Variants in MALT1 observed in about 807,000 individuals in gnomAD.
MALT1 encodes the protein mucosa-associated lymphoid tissue lymphoma translocation protein 1.
In MALT1, 36 loss-of-function variants were observed where a neutral mutation model predicts 85.5. The observed-to-expected ratio is 0.42, with a 90% CI of 0.32 to 0.56. MALT1 has a LOEUF of 0.56. Among genes scored for constraint, MALT1 ranks in the 20% least tolerant of loss-of-function variants. The pLI, the probability that MALT1 is intolerant of heterozygous loss-of-function variation, is 0.10. For missense variants in MALT1, 716 were observed against 981.6 expected (o/e 0.73, Z 3.62); for synonymous variants, 359 against 361.3 (o/e 0.99, Z 0.07).
intron 6 of MALT1, 75 bp from the exon 7 acceptor site, chr18:58,710,846 C>G (rs1246352202): frequency 1.1e-6 from 1 of 906,696 alleles, no homozygotes; most frequent in East Asian, 2.7e-5. Flanking sequence ...TGATATTGAT[C>G]TCTATTTGCT....
chr18:58,715,251 T>C (rs2054882851), intron 8 of MALT1, among the ~76,000 whole-genome samples: 1 of 152,244 alleles, frequency 6.6e-6, no homozygotes, highest in South Asian at 2.1e-4. Flanking sequence ...AGAAAAACTT[T>C]TGTAAATAGC....
rs2055462853 is a variant in MALT1 at position 58,752,689 on chromosome 18, A to G, written c.*4847A>G. The G allele has an allele frequency of 6.6e-6, 1 of 151,846 alleles. No individual in the cohort carries two copies. Among genetic ancestry groups the G allele is most frequent in the South Asian group, 2.1e-4 (1 of 4,814 alleles). The allele number at this position is 151,846 out of a possible 1,614,324, so 9.4% of individuals were successfully genotyped here. ...GTTGCACACACCTGTAGTCCCAGCT[A>G]CTCAGGAGGCTGAAGTGGGACGATC... On this transcript the variant is annotated 3_prime_UTR_variant, in exon 17 of 17. Coordinates refer to ENST00000649217, the MANE Select transcript of MALT1 (RefSeq NM_006785.4).
intron 1 of MALT1, chr18:58,672,675 A>T (rs2054182328): frequency 1.3e-5 from 2 of 152,256 alleles, no homozygotes; most frequent in Admixed American, 1.3e-4. Flanking sequence ...CAGAAATAAT[A>T]CTTTCGTGGA....
chr18:58,712,117 C>G (rs2054839310), intron 7 of MALT1, among the ~76,000 whole-genome samples: 1 of 152,130 alleles, frequency 6.6e-6, no homozygotes, highest in Non-Finnish European at 1.5e-5. Flanking sequence ...TTTGCAGTAG[C>G]AAGCACACTA....
At chr18:58,702,405 T>A (rs1420419625) in intron 4 of MALT1, among the ~76,000 whole-genome samples, 1 of 151,862 alleles carries the variant, frequency 6.6e-6, no homozygotes, top group Non-Finnish European at 1.5e-5. Context: ...AAAAGAAACA[T>A]TGTGAAACTA....
At chr18:58,722,933 T>C (rs1208354942) in intron 9 of MALT1, 115 bp from the exon 10 acceptor site, 2 of 671,646 alleles carry the variant, frequency 3.0e-6, no homozygotes, top group Admixed American at 2.9e-5. Context: ...TGAAATCTTA[T>C]TTGAAATGAA....
chr18:58,751,536 T>C lies in MALT1; in HGVS notation c.*3694T>C, dbSNP rs2055446579. On this transcript the variant is annotated 3_prime_UTR_variant, in exon 17 of 17. Coordinates refer to ENST00000649217, the MANE Select transcript of MALT1 (RefSeq NM_006785.4). ...TTTTAAAAAATCTAAACATGTAATT[T>C]TAAAACGGGCTTAAGAAGAATGATA... 6.6e-6 allele frequency: 1 copy of C among 152,192 alleles called. No homozygotes were observed. The allele number at this position is 152,192 out of a possible 1,614,324, so 9.4% of individuals were successfully genotyped here. A position where few individuals can be genotyped will look rare whatever the true frequency, so the allele number is the denominator to read the frequency against.
chr18:58,674,943 A>T (rs984360202), intron 1 of MALT1, among the ~76,000 whole-genome samples: 3 of 152,230 alleles, frequency 2.0e-5, no homozygotes, highest in Non-Finnish European at 4.4e-5. Context: ...AAACCACAAG[A>T]AAAGAGCCCG....
Position 58,741,853 on chromosome 18 carries a change from CA to C in MALT1, c.1604-11del, listed in dbSNP as rs2055305531. The C allele has an allele frequency of 6.9e-7, 1 of 1,448,036 alleles. No individual in the cohort carries two copies. The highest frequency in any genetic ancestry group is 1.5e-5 in the South Asian group (1 of 65,210). 89.7% of individuals were successfully genotyped at this position (1,448,036 alleles called of 1,614,324 possible). A position where few individuals can be genotyped will look rare whatever the true frequency, so the allele number is the denominator to read the frequency against. ...TGGTCTTAAAAATAATATTTATTTT[CA>C]TATCTTTTAGATATGGGTAAGTGTC... is the stretch of plus-strand genomic sequence containing the variant. On this transcript the variant is annotated splice_polypyrimidine_tract_variant and intron_variant, in intron 13 of 16. Transcript: ENST00000649217.
chr18:58,697,619 G>A (rs1333979636), intron 3 of MALT1, among the ~76,000 whole-genome samples: 2 of 152,138 alleles, frequency 1.3e-5, no homozygotes, highest in Non-Finnish European at 1.5e-5. Context: ...GCCCTTTGAG[G>A]AGAAATAGTG....
chr18:58,674,321 T>A (rs1179005765), intron 1 of MALT1, among the ~76,000 whole-genome samples: 8 of 152,218 alleles, frequency 5.3e-5, no homozygotes, highest in Admixed American at 5.2e-4. Flanking sequence ...AGGCCACTTT[T>A]CTGTGGAGTC....
intron 9 of MALT1, among the ~76,000 whole-genome samples, chr18:58,720,242 T>C (rs1326631675): frequency 2.0e-5 from 3 of 152,240 alleles, no homozygotes; most frequent in African/African-American, 7.2e-5. Flanking sequence ...CCATTATAAA[T>C]TGCTTTATAT....
chr18:58,738,386 C>T (rs1016798828), intron 13 of MALT1, among the ~76,000 whole-genome samples: 1 of 152,122 alleles, frequency 6.6e-6, no homozygotes, highest in African/African-American at 2.4e-5. Context: ...AACTACTCTC[C>T]TGTGTTGGTG....
chr18:58,716,601 T>C (rs767792181), intron 9 of MALT1, among the ~76,000 whole-genome samples: 3 of 152,234 alleles, frequency 2.0e-5, no homozygotes, highest in Non-Finnish European at 4.4e-5. Context: ...GTGCCTAATA[T>C]GTGTCAGTTA....
chr18:58,699,371 G>T (rs911591064), intron 3 of MALT1, among the ~76,000 whole-genome samples: 3 of 152,184 alleles, frequency 2.0e-5, no homozygotes, highest in African/African-American at 4.8e-5. Context: ...TCAGGCAGTT[G>T]TAAGTGCAGC....
At chr18:58,688,014 T>C (rs1265771025) in intron 2 of MALT1, among the ~76,000 whole-genome samples, 3 of 152,224 alleles carry the variant, frequency 2.0e-5, no homozygotes, top group East Asian at 1.9e-4. Context: ...CCGTTTAAAA[T>C]AGAACTTTCA....
At chr18:58,692,294 G>GA (rs200833453) in intron 2 of MALT1, 237 of 150,220 alleles carry the variant, frequency 1.6e-3, no homozygotes, top group African/African-American at 5.1e-3. Context: ...CATTGCAAAG[G>GA]AAAAAAAAAC....
intron 14 of MALT1, among the ~76,000 whole-genome samples, chr18:58,742,556 AAGTT>A (rs796339074): frequency 5.9e-5 from 9 of 152,168 alleles, no homozygotes; most frequent in African/African-American, 2.2e-4. Flanking sequence ...AAAATACAAA[AAGTT>A]AGCGGGGTGT....
chr18:58,747,896 C>A lies in MALT1; in HGVS notation c.*54C>A. 7.0e-7 allele frequency: 1 copy of A among 1,424,020 alleles called. No homozygotes were observed. The highest frequency in any genetic ancestry group is 9.7e-7 in the Non-Finnish European group (1 of 1,027,332). 88.2% of individuals were successfully genotyped at this position (1,424,020 alleles called of 1,614,324 possible). On this transcript the variant is annotated 3_prime_UTR_variant, in exon 17 of 17. Coordinates refer to ENST00000649217, the MANE Select transcript of MALT1 (RefSeq NM_006785.4). ...TTTAGATGCCTGTGAAATAGTACTG[C>A]ACTTACATAAAGTGAGACATTGTGA... is the stretch of plus-strand genomic sequence containing the variant.
Sources: allele counts gnomAD v4.1 joint callset (sites outside exome capture counted in the v4.1 genomes callset), GRCh38; gene constraint gnomAD v4.1.1; transcripts MANE v1.5; gene names NCBI Gene and HGNC (gene_info 2026-07-23, HGNC 2026-07-21).